The following CELSR1 variants were observed in gnomAD, a reference collection of about 807,000 sequenced individuals.
CELSR1 encodes the protein adhesion G protein-coupled receptor C1.
A neutral mutation model predicts 249.1 loss-of-function variants in CELSR1; 110 were observed. The ratio of observed to expected loss-of-function variants is 0.44; its 90% CI spans 0.38 to 0.52. The LOEUF is 0.52. Ranked by LOEUF, CELSR1 falls within the 20% of genes least tolerant of loss-of-function variation. The probability of loss-of-function intolerance (pLI) is 0.00; values close to 1 mark genes in which losing one functional copy is unlikely to be tolerated. For synonymous variants in CELSR1, 2,113 were observed against 1,900.0 expected (o/e 1.11, Z -2.92); for missense variants, 4,109 against 4,296.4 (o/e 0.96, Z 1.22).
In CELSR1 at chr22:46,366,472, G is replaced by A. The variant is rs1488291631; in HGVS notation, c.8214C>T (p.Leu2738=). The A allele has an allele frequency of 1.3e-6, 2 of 1,550,250 alleles. No homozygotes were observed. Among genetic ancestry groups the A allele is most frequent in the Middle Eastern group, 3.3e-4 (2 of 6,006 alleles). Residue 2738 remains leucine (L), a synonymous_variant, in exon 30 of 35, where the codon CTC becomes CTT. Coordinates refer to ENST00000674500, the MANE Select transcript of CELSR1 (RefSeq NM_001378328.1). Reference sequence around the variant, plus strand: ...CGTCACCGAAGGTGGTGTTGCAGTTGAGGGAGCGCTGAAGGGAGGGGAGGG... The same window carrying A: ...CGTCACCGAAGGTGGTGTTGCAGTTAAGGGAGCGCTGAAGGGAGGGGAGGG... ...TTRATLLTRS[L]NCNTTFGDGP...
intron 1 of CELSR1, among the ~76,000 whole-genome samples, chr22:46,470,042 C>T (rs1321914540): frequency 2.6e-5 from 2 of 75,988 alleles, no homozygotes; most frequent in Non-Finnish European, 5.1e-5. Context: ...ACTTTAACTC[C>T]AACATCAACA....
chr22:46,392,707 T>C (rs1186403178), intron 14 of CELSR1, among the ~76,000 whole-genome samples: 2 of 152,008 alleles, frequency 1.3e-5, no homozygotes, highest in African/African-American at 2.4e-5. Context: ...CAGGCAAGCA[T>C]CAGCACGCTC....
At chr22:46,459,177 C>CGTGCCCAGCCG (rs1243907647) in intron 2 of CELSR1, among the ~76,000 whole-genome samples, 1 of 152,128 alleles carries the variant, frequency 6.6e-6, no homozygotes, top group Non-Finnish European at 1.5e-5. Flanking sequence ...TGTGAGCCAC[C>CGTGCCCAGCCG]GTGCCCAGCC....
intron 2 of CELSR1, among the ~76,000 whole-genome samples, chr22:46,450,931 G>C (rs937482735): frequency 4.6e-5 from 7 of 152,230 alleles, no homozygotes; most frequent in African/African-American, 1.7e-4. Flanking sequence ...CATTTGGTAC[G>C]GCTGTGAGCT....
rs1055736806 is a variant in CELSR1 at position 46,386,600 on chromosome 22, A to G, written c.6556-15T>C. 1.3e-6 allele frequency: 2 copies of G among 1,575,392 alleles called. No individual in the cohort carries two copies. Among genetic ancestry groups the G allele is most frequent in the African/African-American group, 2.7e-5 (2 of 74,026 alleles). ...TGGATGACGTCCTGGTCAGACAGAC[A>G]GCACTCAGTACTCAGCCTGCGGAGG... On this transcript the variant is annotated splice_polypyrimidine_tract_variant and intron_variant, in intron 18 of 34. Coordinates refer to ENST00000674500, the MANE Select transcript of CELSR1 (RefSeq NM_001378328.1).
chr22:46,515,135 G>C (rs937024741), intron 1 of CELSR1, among the ~76,000 whole-genome samples: 1 of 152,068 alleles, frequency 6.6e-6, no homozygotes, highest in Admixed American at 6.5e-5. Flanking sequence ...ACCCCCCCCG[G>C]GGACACTCAT....
Position 46,406,736 on chromosome 22 carries a change from G to A in CELSR1, c.5226+2260C>T, listed in dbSNP as rs940476111. On this transcript the variant is annotated intron_variant, in intron 9 of 34. Coordinates refer to ENST00000674500, the MANE Select transcript of CELSR1 (RefSeq NM_001378328.1). This position sits in a 1 kb window ranked among gnomAD's most constrained non-coding sequence, Gnocchi z 5.4. ...CAGGAAAAGAACCATAGGGTCCCTA[G>A]TGAAGAGCCTCTACGCCTCAGTTTC... Among the ~76,000 whole-genome samples the A allele has an allele frequency of 2.6e-5, 4 of 152,242 alleles. No individual in the cohort carries two copies. The highest frequency in any genetic ancestry group is 5.9e-5 in the Non-Finnish European group (4 of 68,042).
chr22:46,481,794 T>G (rs2080269473), intron 1 of CELSR1: 1 of 335,136 alleles, frequency 3.0e-6, no homozygotes, highest in Non-Finnish European at 5.7e-6. Context: ...CTTTTTTTTT[T>G]TTTTGAAACA....
Position 46,398,618 on chromosome 22 carries a change from C to A in CELSR1, c.5432G>T (p.Gly1811Val), listed in dbSNP as rs187764715. Residue 1811 changes from glycine to valine, a missense_variant, in exon 11 of 35, where the codon GGC becomes GTC. Physicochemically the swap from Gly to Val is moderately radical, Grantham distance 109. Around this residue, in one of 7 missense-constraint regions of CELSR1, gnomAD observed 1,805 missense variants for 1,831.6 expected, o/e 0.99. Coordinates refer to ENST00000674500, the MANE Select transcript of CELSR1 (RefSeq NM_001378328.1). The surrounding 1 kb of genome is among the most constrained non-coding windows in gnomAD (Gnocchi z 7.2). Reference protein sequence around the residue: ...GMDQNKADIGGMLPGLTVRSV... With the variant: ...GMDQNKADIGVMLPGLTVRSV... ...CCTTACCGTCAGCCCGGGAAGCATGCCCCCGATATCTGCCTTGTTCTGTGC... is the reference window on the plus strand; with the variant it reads ...CCTTACCGTCAGCCCGGGAAGCATGACCCCGATATCTGCCTTGTTCTGTGC... 5.0e-6 allele frequency: 8 copies of A among 1,613,772 alleles called. No individual in the cohort carries two copies. In the Admixed American group the frequency reaches 1.0e-4, roughly 20 times the overall value.
chr22:46,536,534 A>C lies in CELSR1; in HGVS notation c.637T>G (p.Ser213Ala). The C allele has an allele frequency of 6.4e-6, 9 of 1,412,700 alleles. No homozygotes were observed. The highest frequency in any genetic ancestry group is 8.3e-6 in the Non-Finnish European group (9 of 1,090,786). 87.5% of individuals were successfully genotyped at this position (1,412,700 alleles called of 1,614,324 possible). ...TTCGGCGGCAGGGGCGGCGATGGGG[A>C]TGGCGACGCGGAGGGCGTCCCCGCG... ...ATAGTPSASP[S>A]PSPPLPPNLP... The change falls in exon 1 of 35, where the codon TCC becomes GCC. Residue 213 changes from serine (S) to alanine (A), a missense_variant. By Grantham distance (99) the Ser-to-Ala change is moderately conservative. Coordinates refer to ENST00000674500, the MANE Select transcript of CELSR1 (RefSeq NM_001378328.1).
rs2079333676 is a variant in CELSR1, at chr22:46,411,453, C to A, written c.4769+149G>T. 1.1e-6 allele frequency: 1 copy of A among 887,070 alleles called. No homozygotes were observed. Among genetic ancestry groups the A allele is most frequent in the Middle Eastern group, 3.4e-4 (1 of 2,902 alleles). The allele number at this position is 887,070 out of a possible 1,614,324, so 54.9% of individuals were successfully genotyped here. A position where few individuals can be genotyped will look rare whatever the true frequency, so the allele number is the denominator to read the frequency against. ...AAGGTCAGAGGGAAGGTGCCCCAAC[C>A]ATGGACAGGATGTCTGACTCTAGCC... On this transcript the variant is annotated intron_variant, in intron 6 of 34. Transcript: ENST00000674500. This position sits in a 1 kb window ranked among gnomAD's most constrained non-coding sequence, Gnocchi z 4.2.
At chr22:46,366,275 T>TGCG in intron 30 of CELSR1, 111 bp downstream of exon 30, 2 of 359,328 alleles carry the variant, frequency 5.6e-6, no homozygotes, top group South Asian at 4.3e-5. Context: ...GGTGGAAAGT[T>TGCG]GGGGGTGGAA....
chr22:46,430,088 A>AG lies in CELSR1; in HGVS notation c.4611+3304dup, dbSNP rs1315426924. Among the ~76,000 whole-genome samples, 1 of 152,190 alleles carries AG rather than the reference A, an allele frequency of 6.6e-6. No individual in the cohort carries two copies. The highest frequency in any genetic ancestry group is 1.5e-5 in the Non-Finnish European group (1 of 68,026). On this transcript the variant is annotated intron_variant, in intron 5 of 34. Coordinates refer to ENST00000674500, the MANE Select transcript of CELSR1 (RefSeq NM_001378328.1). This position sits in a 1 kb window ranked among gnomAD's most constrained non-coding sequence, Gnocchi z 4.6. ...AGGTTGCACGTGGAGGCAGTGCAGG[A>AG]GGCCACTCTGACAGGCAACACCCGG... is the stretch of plus-strand genomic sequence containing the variant.
At chr22:46,414,006 T>C (rs989856176) in intron 5 of CELSR1, among the ~76,000 whole-genome samples, 1 of 152,216 alleles carries the variant, frequency 6.6e-6, no homozygotes, top group African/African-American at 2.4e-5. Context: ...GCAGTTGCTG[T>C]AAACTGCTGC....
Position 46,373,650 on chromosome 22 carries a change from TGGGGAGATGGGGGAGAAG to T in CELSR1, c.7585-611_7585-594del, listed in dbSNP as rs1158367748. On this transcript the variant is annotated intron_variant, in intron 24 of 34. Transcript: ENST00000674500. ...AGGCTGAACCAGCCAAATGGGAGAA[TGGGGAGATGGGGGAGAAG>T]GGGGAGATGGGGGAGATGGGGGAGA... Among the ~76,000 whole-genome samples, 44 of 60,654 alleles carry T rather than the reference TGGGGAGATGGGGGAGAAG, an allele frequency of 7.3e-4. 1 individual carries two copies. The highest frequency in any genetic ancestry group is 1.6e-3 in the South Asian group (3 of 1,836). 39.8% of individuals were successfully genotyped at this position (60,654 alleles called of 152,430 possible). A position where few individuals can be genotyped will look rare whatever the true frequency, so the allele number is the denominator to read the frequency against.
intron 9 of CELSR1, among the ~76,000 whole-genome samples, chr22:46,404,034 A>G (rs956519224): frequency 6.6e-6 from 1 of 151,878 alleles, no homozygotes; most frequent in Non-Finnish European, 1.5e-5. Flanking sequence ...GCTGTAAACC[A>G]CATTTCAAAG....
rs2079014065 is a variant in CELSR1, at chr22:46,384,688, T to A, written c.6740-2A>T. ...TGTCAAAGATGTCGACAGCAAGAACTGGGGGGACAGTTCCTTTAATCAGAC... is the reference window on the plus strand; with the variant it reads ...TGTCAAAGATGTCGACAGCAAGAACAGGGGGGACAGTTCCTTTAATCAGAC... On this transcript the variant is annotated splice_acceptor_variant, in intron 19 of 34. Coordinates refer to ENST00000674500, the MANE Select transcript of CELSR1 (RefSeq NM_001378328.1). LOFTEE classifies it high-confidence loss of function. The A allele has an allele frequency of 6.2e-7, 1 of 1,611,186 alleles. No individual in the cohort carries two copies. The highest frequency in any genetic ancestry group is 1.7e-5 in the Admixed American group (1 of 59,574).
chr22:46,363,617 C>T lies in CELSR1; in HGVS notation c.9036-370G>A. ...CTGGGGCCAGGACCCCAGCTCCACC[C>T]CGCCCCCTTCACCCCTGGCATTCCG... On this transcript the variant is annotated intron_variant, in intron 34 of 34. Coordinates refer to ENST00000674500, the MANE Select transcript of CELSR1 (RefSeq NM_001378328.1). The surrounding 1 kb of genome is among the most constrained non-coding windows in gnomAD (Gnocchi z 4.3). The T allele has an allele frequency of 8.3e-6, 3 of 362,630 alleles. No homozygotes were observed. The highest frequency in any genetic ancestry group is 1.5e-5 in the Non-Finnish European group (3 of 198,246). 22.5% of individuals were successfully genotyped at this position (362,630 alleles called of 1,614,324 possible).
Position 46,533,671 on chromosome 22 carries a change from T to C in CELSR1, c.3500A>G (p.Asp1167Gly). The C allele has an allele frequency of 6.2e-7, 1 of 1,604,820 alleles. No individual in the cohort carries two copies. The highest frequency in any genetic ancestry group is 1.3e-5 in the African/African-American group (1 of 74,996). The change falls in exon 1 of 35, where the codon GAC becomes GGC. Residue 1167 changes from aspartate to glycine, a missense_variant. Coordinates refer to ENST00000674500, the MANE Select transcript of CELSR1 (RefSeq NM_001378328.1). ...TGELQLSRDLDNNRPLEALME... is the reference protein window; with the variant it reads ...TGELQLSRDLGNNRPLEALME... ...GAGCGCCTCCAGCGGCCGGTTGTTG[T>C]CCAGGTCGCGGCTGAGCTGCAGTTC...
Sources: gnomAD v4.1 joint callset for allele counts (sites outside exome capture counted in the v4.1 genomes callset) on GRCh38, gnomAD v4.1.1 for gene constraint, gnomAD v4.1.1 regional missense constraint, Gnocchi (gnomAD v3.1) non-coding constraint, MANE v1.5 for transcripts, NCBI Gene and HGNC (gene_info 2026-07-23, HGNC 2026-07-21) for gene names.